C9orf43: variants seen among roughly 807,000 people sequenced by gnomAD.
C9orf43 encodes uncharacterized protein C9orf43.
C9orf43 carries 45 observed loss-of-function variants against 59.1 expected under a neutral mutation model. The ratio of observed to expected loss-of-function variants is 0.76; its 90% CI spans 0.60 to 0.98. The LOEUF (loss-of-function observed/expected upper bound fraction) is 0.98, where lower values mean the gene tolerates loss of function less well. C9orf43 is among the 50% of genes least tolerant of loss of function. The pLI is 0.00. For missense variants in C9orf43, 533 were observed against 554.9 expected, an observed-to-expected ratio of 0.96 and a Z score of 0.40; for synonymous variants, 203 against 196.8, an observed-to-expected ratio of 1.03 and a Z score of -0.26.
chr9:113,426,422 A>G (rs1441325046), intron 11 of C9orf43, among the ~76,000 whole-genome samples: 1 of 152,128 alleles, frequency 6.6e-6, no homozygotes, highest in African/African-American at 2.4e-5. Flanking sequence ...AATCCCCCCA[A>G]ACTTTGGAGG....
At position 113,423,403 on chromosome 9, in the gene C9orf43, T is replaced by C; in HGVS notation, c.561T>C (p.Pro187=). The change falls in exon 7 of 14, where the codon CCT becomes CCC. Residue 187 remains proline, a synonymous_variant. Coordinates refer to ENST00000374165, the MANE Select transcript of C9orf43 (RefSeq NM_001278629.2). The part of the protein sequence containing the change: ...TRVGTPGMIV[P]PPTPVQLSEQ... ...TAGGAACACCAGGGATGATCGTGCC[T>C]CCCCCAACCCCAGTGCAATTGTCTG... The C allele has an allele frequency of 6.2e-7, 1 of 1,614,014 alleles. No individual in the cohort carries two copies. Among genetic ancestry groups the C allele is most frequent in the South Asian group, 1.1e-5 (1 of 91,080 alleles).
intron 3 of C9orf43, among the ~76,000 whole-genome samples, chr9:113,418,134 C>G (rs1828439603): frequency 6.6e-6 from 1 of 152,190 alleles, no homozygotes; most frequent in Non-Finnish European, 1.5e-5. Flanking sequence ...TAAGTACATT[C>G]ACAGTGTTGT....
intron 13 of C9orf43, 53 bp from the exon 14 acceptor site, chr9:113,429,119 G>T: frequency 6.4e-7 from 1 of 1,572,854 alleles, no homozygotes; most frequent in South Asian, 1.1e-5. Flanking sequence ...TCCTCCATTT[G>T]TTGTAGTTGA....
At chr9:113,413,330 A>G in intron 1 of C9orf43, 115 bp from the exon 2 acceptor site, 1 of 908,558 alleles carries the variant, frequency 1.1e-6, no homozygotes, top group Non-Finnish European at 1.5e-6. Context: ...TTTTGTGGCC[A>G]TCATTTACCT....
chr9:113,424,465 A>G (rs765821232), intron 8 of C9orf43, 149 bp downstream of exon 8: 6 of 734,700 alleles, frequency 8.2e-6, no homozygotes, highest in East Asian at 2.7e-5. Context: ...GGCTCTATGT[A>G]TGTAAAAGCC....
chr9:113,422,536 TG>T lies in C9orf43; in HGVS notation c.447-12del. On this transcript the variant is annotated splice_polypyrimidine_tract_variant and intron_variant, in intron 5 of 13. Transcript: ENST00000374165. ...AAGCATGTTTTGTTTTGTTTTGTTT[TG>T]TTTTTCTCCAGCCAGCATGGGAAGA... 6.2e-7 allele frequency: 1 copy of T among 1,613,690 alleles called. No individual in the cohort carries two copies. The highest frequency in any genetic ancestry group is 1.1e-5 in the South Asian group (1 of 91,000).
chr9:113,421,736 G>C (rs1828582468), intron 5 of C9orf43, among the ~76,000 whole-genome samples: 1 of 152,140 alleles, frequency 6.6e-6, no homozygotes, highest in Non-Finnish European at 1.5e-5. Context: ...AGGTTCTTAA[G>C]TGACATTTAG....
At chr9:113,416,499 C>G (rs1487840149) in intron 3 of C9orf43, among the ~76,000 whole-genome samples, 1 of 152,178 alleles carries the variant, frequency 6.6e-6, no homozygotes, top group Non-Finnish European at 1.5e-5. Flanking sequence ...AGTCCCTTTC[C>G]TGGCCTGTAA....
chr9:113,425,239 T>C, intron 9 of C9orf43, 105 bp from the exon 10 acceptor site: 1 of 1,546,340 alleles, frequency 6.5e-7, no homozygotes, highest in Non-Finnish European at 8.9e-7. Context: ...CCCTCTGGCT[T>C]GGTCCTTACC....
At chr9:113,422,800 T>C (rs1828633020) in intron 6 of C9orf43, among the ~76,000 whole-genome samples, 1 of 151,592 alleles carries the variant, frequency 6.6e-6, no homozygotes, top group Non-Finnish European at 1.5e-5. Context: ...AAGAGCACCT[T>C]GAGATAATAG....
chr9:113,429,682 C>A lies in C9orf43; in HGVS notation c.*296C>A. 3.3e-6 allele frequency: 1 copy of A among 301,262 alleles called. No homozygotes were observed. Among genetic ancestry groups the A allele is most frequent in the Non-Finnish European group, 6.1e-6 (1 of 163,430 alleles). The allele number at this position is 301,262 out of a possible 1,614,324, so 18.7% of individuals were successfully genotyped here. A position where few individuals can be genotyped will look rare whatever the true frequency, so the allele number is the denominator to read the frequency against. The stretch of plus-strand genomic sequence containing the variant: ...TTGGTGATTAAACACAACTGCTTTT[C>A]AATCAAAAGACTTATTTTCTGTTTC... On this transcript the variant is annotated 3_prime_UTR_variant, in exon 14 of 14. Transcript: ENST00000374165.
At position 113,423,387 on chromosome 9, in the gene C9orf43, C is replaced by G. The variant is rs777770556; in HGVS notation, c.545C>G (p.Pro182Arg). The G allele has an allele frequency of 6.2e-7, 1 of 1,614,066 alleles. No homozygotes were observed. Among genetic ancestry groups the G allele is most frequent in the Non-Finnish European group, 8.5e-7 (1 of 1,179,974 alleles). Residue 182 changes from proline to arginine, a missense_variant, in exon 7 of 14, where the codon CCA becomes CGA. By Grantham distance (103) the Pro-to-Arg change is moderately radical. Coordinates refer to ENST00000374165, the MANE Select transcript of C9orf43 (RefSeq NM_001278629.2). ...TCCGCAGGAACACGAGTAGGAACACCAGGGATGATCGTGCCTCCCCCAACC... is the reference window on the plus strand; with the variant it reads ...TCCGCAGGAACACGAGTAGGAACACGAGGGATGATCGTGCCTCCCCCAACC... ...NQSAGTRVGT[P>R]GMIVPPPTPV...
At chr9:113,417,642 A>C (rs549631621) in intron 3 of C9orf43, among the ~76,000 whole-genome samples, 5 of 152,312 alleles carry the variant, frequency 3.3e-5, no homozygotes, top group Non-Finnish European at 7.4e-5. Flanking sequence ...CCTAGACTGG[A>C]AGTCTGAGCA....
intron 1 of C9orf43, among the ~76,000 whole-genome samples, chr9:113,411,959 G>T (rs987626440): frequency 6.6e-6 from 1 of 152,210 alleles, no homozygotes; most frequent in African/African-American, 2.4e-5. Flanking sequence ...ACAGGCATGA[G>T]CCACGGCGCC....
intron 3 of C9orf43, among the ~76,000 whole-genome samples, chr9:113,416,682 G>GTT (rs956009814): frequency 6.8e-6 from 1 of 146,162 alleles, no homozygotes. Flanking sequence ...TCTTAACTAG[G>GTT]TTTTTTTTTT....
At chr9:113,413,668 C>G in intron 2 of C9orf43, 24 bp downstream of exon 2, 1 of 1,613,202 alleles carries the variant, frequency 6.2e-7, no homozygotes, top group Non-Finnish European at 8.5e-7. Flanking sequence ...CTTCTGTCCT[C>G]TCCCTCACGA....
Position 113,429,231 on chromosome 9 carries a change from G to A in C9orf43, c.1231G>A (p.Val411Met). Residue 411 changes from valine to methionine, a missense_variant, in exon 14 of 14, where the codon GTG becomes ATG. Val to Met is a conservative substitution (Grantham distance 21). Coordinates refer to ENST00000374165, the MANE Select transcript of C9orf43 (RefSeq NM_001278629.2). ...GGACATTAGTGCTCCAGTGGACGCTGTGCCAGAAGCCCAGGCTGCCAGGCA... is the reference window on the plus strand; with the variant it reads ...GGACATTAGTGCTCCAGTGGACGCTATGCCAGAAGCCCAGGCTGCCAGGCA... ...NKDISAPVDA[V>M]PEAQAARQKK... 6.2e-7 allele frequency: 1 copy of A among 1,614,180 alleles called. No homozygotes were observed. The highest frequency in any genetic ancestry group is 8.5e-7 in the Non-Finnish European group (1 of 1,180,044).
intron 13 of C9orf43, 90 bp from the exon 14 acceptor site, chr9:113,429,082 T>C (rs1397537204): frequency 6.6e-7 from 1 of 1,523,638 alleles, no homozygotes; most frequent in Non-Finnish European, 9.1e-7. Flanking sequence ...AGAGAAGTCC[T>C]AAAAACACCC....
chr9:113,428,839 A>T, intron 12 of C9orf43, 61 bp from the exon 13 acceptor site: 1 of 1,444,282 alleles, frequency 6.9e-7, no homozygotes, highest in Non-Finnish European at 9.7e-7. Context: ...ATCTTTTAGA[A>T]AAATCCTTTT....
Sources: gnomAD v4.1 joint callset for allele counts (sites outside exome capture counted in the v4.1 genomes callset) on GRCh38, gnomAD v4.1.1 for gene constraint, MANE v1.5 for transcripts, NCBI Gene and HGNC (gene_info 2026-07-23, HGNC 2026-07-21) for gene names.